The following ZNF738 variants were observed in gnomAD, a reference collection of about 807,000 sequenced individuals.
ZNF738 encodes zinc finger protein 738, also known as protein ZNF738.
ZNF738 carries 10 observed loss-of-function variants against 9.2 expected under a neutral mutation model. The observed-to-expected ratio is 1.09, with a 90% CI of 0.67 to 1.85. The LOEUF (loss-of-function observed/expected upper bound fraction) is 1.85, where lower values mean the gene tolerates loss of function less well. Among genes scored for constraint, ZNF738 ranks in the 40% most tolerant of loss-of-function variants. The pLI is 0.00. For synonymous variants in ZNF738, 113 were observed against 94.5 expected, an observed-to-expected ratio of 1.20 and a Z score of -1.14; for missense variants, 346 against 283.6, an observed-to-expected ratio of 1.22 and a Z score of -1.58.
At position 21,386,219 on chromosome 19, in the gene ZNF738, T is replaced by C. The variant is rs867724933; in HGVS notation, c.*2545T>C. On this transcript the variant is annotated 3_prime_UTR_variant, in exon 5 of 5. Transcript: ENST00000683779. ...CAAAGCCTTTAATGGTCCCCTCAAC[T>C]TTCTGCACATAAGATAATTTATACT... is the stretch of plus-strand genomic sequence containing the variant. 9 of 286,458 alleles carry C rather than the reference T, an allele frequency of 3.1e-5. No homozygotes were observed. The highest frequency in any genetic ancestry group is 1.8e-4 in the Admixed American group (4 of 22,164). The allele number at this position is 286,458 out of a possible 1,614,324, so 17.7% of individuals were successfully genotyped here. A position where few individuals can be genotyped will look rare whatever the true frequency, so the allele number is the denominator to read the frequency against.
At position 21,386,412 on chromosome 19, in the gene ZNF738, A is replaced by G. The variant is rs190620203; in HGVS notation, c.*2738A>G. 9.8e-6 allele frequency: 3 copies of G among 305,412 alleles called. No individual in the cohort carries two copies. Among genetic ancestry groups the G allele is most frequent in the Non-Finnish European group, 2.0e-5 (3 of 146,780 alleles). The allele number at this position is 305,412 out of a possible 1,614,324, so 18.9% of individuals were successfully genotyped here. ...ATAAGATAACTCATACTGGAGAAAAATCTTAGAAATGTGAAGGATGTGGTA... is the reference window on the plus strand; with the variant it reads ...ATAAGATAACTCATACTGGAGAAAAGTCTTAGAAATGTGAAGGATGTGGTA... On this transcript the variant is annotated 3_prime_UTR_variant, in exon 5 of 5. Coordinates refer to ENST00000683779, the MANE Select transcript of ZNF738 (RefSeq NM_001355237.2).
chr19:21,372,908 G>A (rs185522378), intron 2 of ZNF738: 1 of 152,224 alleles, frequency 6.6e-6, no homozygotes, highest in Admixed American at 6.5e-5. Context: ...GTAAACTTTA[G>A]AGAGCCAGCA....
At chr19:21,370,872 A>T (rs1381063983) in intron 2 of ZNF738, among the ~76,000 whole-genome samples, 3 of 152,150 alleles carry the variant, frequency 2.0e-5, no homozygotes, top group African/African-American at 7.2e-5. Context: ...ACAGGGCCAG[A>T]CTTTGGGTTG....
At chr19:21,370,898 C>A (rs1973847099) in intron 2 of ZNF738, among the ~76,000 whole-genome samples, 1 of 152,062 alleles carries the variant, frequency 6.6e-6, no homozygotes, top group South Asian at 2.1e-4. Context: ...GTACTGAAAA[C>A]CAACAAAAGG....
At chr19:21,382,011 T>C (rs1974010945) in intron 4 of ZNF738, 2 of 184,104 alleles carry the variant, frequency 1.1e-5, no homozygotes, top group Admixed American at 6.3e-5. Context: ...TCTACTTGTG[T>C]TTTTTAAAAT....
At chr19:21,380,500 G>A (rs1431219918) in intron 4 of ZNF738, among the ~76,000 whole-genome samples, 1 of 152,110 alleles carries the variant, frequency 6.6e-6, no homozygotes, top group Non-Finnish European at 1.5e-5. Context: ...GGGAATTGAG[G>A]GAGGTGGGCT....
At chr19:21,381,367 T>A in intron 4 of ZNF738, 2 of 1,505,542 alleles carry the variant, frequency 1.3e-6, no homozygotes, top group Non-Finnish European at 1.8e-6. Context: ...ATACTCTGAC[T>A]CCATCTTGAA....
chr19:21,379,262 G>C (rs1020266934), intron 4 of ZNF738: 1 of 151,594 alleles, frequency 6.6e-6, no homozygotes, highest in Non-Finnish European at 1.5e-5. Context: ...ACATTGCCCT[G>C]TTTTGTATAT....
chr19:21,371,969 GT>G (rs1469922936), intron 2 of ZNF738: 4 of 152,196 alleles, frequency 2.6e-5, no homozygotes, highest in African/African-American at 9.7e-5. Flanking sequence ...TTTAGACGGA[GT>G]TTCGCTCTTG....
At position 21,385,070 on chromosome 19, in the gene ZNF738, A is replaced by G. The variant is rs1317857090; in HGVS notation, c.*1396A>G. 1.3e-5 allele frequency among the ~76,000 whole-genome samples: 2 copies of G among 152,070 alleles called. No homozygotes were observed. The highest frequency in any genetic ancestry group is 2.4e-5 in the African/African-American group (1 of 41,424). ...CCCTTACTAAAGATAAAAGAGTTTG[A>G]CTGGGTGCGGTGGCTCATGCCTGTA... On this transcript the variant is annotated 3_prime_UTR_variant, in exon 5 of 5. Coordinates refer to ENST00000683779, the MANE Select transcript of ZNF738 (RefSeq NM_001355237.2).
intron 1 of ZNF738, among the ~76,000 whole-genome samples, chr19:21,361,442 A>G (rs1037838744): frequency 1.3e-5 from 2 of 152,222 alleles, no homozygotes; most frequent in Non-Finnish European, 2.9e-5. Flanking sequence ...ACCCAGACCA[A>G]TGGTACTTTT....
intron 2 of ZNF738, among the ~76,000 whole-genome samples, chr19:21,369,650 C>T (rs1195443265): frequency 6.6e-6 from 1 of 152,074 alleles, no homozygotes; most frequent in African/African-American, 2.4e-5. Context: ...TTTTCATATT[C>T]CTGTCAGGTT....
At chr19:21,369,261 A>G (rs930261839) in intron 2 of ZNF738, among the ~76,000 whole-genome samples, 1 of 151,922 alleles carries the variant, frequency 6.6e-6, no homozygotes, top group Non-Finnish European at 1.5e-5. Context: ...GGCTCACACC[A>G]TCACGCCTAA....
chr19:21,383,149 G>C lies in ZNF738; in HGVS notation c.603G>C (p.Lys201Asn). ...CACATAAGACAAGACATACTGGAAA[G>C]AAACCTTTCAAATGTAAAAAATGTG... ...SNTHKTRHTG[K>N]KPFKCKKCGK... is the part of the protein sequence containing the mutation. The change falls in exon 5 of 5, where the codon AAG (lysine) becomes AAC (asparagine). Residue 201 changes from lysine to asparagine, a missense_variant. Physicochemically the swap from Lys to Asn is moderately conservative, Grantham distance 94. Coordinates refer to ENST00000683779, the MANE Select transcript of ZNF738 (RefSeq NM_001355237.2). The C allele has an allele frequency of 6.3e-7, 1 of 1,597,362 alleles. No individual in the cohort carries two copies. The highest frequency in any genetic ancestry group is 8.6e-7 in the Non-Finnish European group (1 of 1,166,418).
chr19:21,377,087 C>A (rs1322278900), intron 4 of ZNF738, among the ~76,000 whole-genome samples: 1 of 151,998 alleles, frequency 6.6e-6, no homozygotes, highest in Non-Finnish European at 1.5e-5. Flanking sequence ...GCGAGCGGAT[C>A]ATCTGAGTTT....
At chr19:21,378,523 T>C (rs1042719148) in intron 4 of ZNF738, 11 of 259,016 alleles carry the variant, frequency 4.2e-5, no homozygotes, top group African/African-American at 2.6e-4. Context: ...TTTCACTATA[T>C]CACACAGTTT....
In ZNF738 at chr19:21,377,553, C is replaced by G. The variant is rs1973946687; in HGVS notation, c.319+1589C>G. The G allele has an allele frequency of 7.4e-6, 4 of 538,898 alleles. No individual in the cohort carries two copies. The Admixed American group carries it at 1.4e-4, about 19-fold the overall frequency. 33.4% of individuals were successfully genotyped at this position (538,898 alleles called of 1,614,324 possible). ...ACACACAAAATTTGTCATAGGTTCC[C>G]AGTTAATAAATCTATTATTGTTTAA... On this transcript the variant is annotated intron_variant, in intron 4 of 4. Coordinates refer to ENST00000683779, the MANE Select transcript of ZNF738 (RefSeq NM_001355237.2).
intron 1 of ZNF738, among the ~76,000 whole-genome samples, chr19:21,360,920 T>A (rs1443570667): frequency 6.6e-6 from 1 of 151,810 alleles, no homozygotes; most frequent in Non-Finnish European, 1.5e-5. Context: ...GTTCACGAGG[T>A]TCTCATGCCT....
chr19:21,383,062 G>T lies in ZNF738; in HGVS notation c.516G>T (p.Gln172His). 8.3e-7 allele frequency: 1 copy of T among 1,201,260 alleles called. No homozygotes were observed. Among genetic ancestry groups the T allele is most frequent in the South Asian group, 1.2e-5 (1 of 81,996 alleles). 74.4% of individuals were successfully genotyped at this position (1,201,260 alleles called of 1,614,324 possible). Residue 172 changes from glutamine (Q) to histidine (H), a missense_variant, in exon 5 of 5, where the codon CAG becomes CAT. Coordinates refer to ENST00000683779, the MANE Select transcript of ZNF738 (RefSeq NM_001355237.2). ...TAAAAGAGTATTTGACAACTACCCA[G>T]AGCAAAATATTTCAATGTGATAAAT... ...NELKEYLTTT[Q>H]SKIFQCDKYV...
Sources: gnomAD v4.1 joint callset for allele counts (sites outside exome capture counted in the v4.1 genomes callset) on GRCh38, gnomAD v4.1.1 for gene constraint, MANE v1.5 for transcripts, NCBI Gene and HGNC (gene_info 2026-07-23, HGNC 2026-07-21) for gene names.